Variants in KIR3DL2 observed in about 807,000 individuals in gnomAD.
KIR3DL2 encodes killer cell immunoglobulin-like receptor 3DL2.
Under a neutral mutation model 41.6 loss-of-function variants are expected in KIR3DL2, and 42 were observed. That is an observed-to-expected ratio of 1.01 (90% CI 0.79 to 1.31). The LOEUF is 1.31. Ranked by LOEUF, KIR3DL2 falls within the 50% of genes most tolerant of loss-of-function variation. The pLI is 0.00. For synonymous variants in KIR3DL2, 230 were observed against 221.3 expected (o/e 1.04, Z -0.35); for missense variants, 728 against 576.8 (o/e 1.26, Z -2.68).
At chr19:54,866,025 A>G in intron 7 of KIR3DL2, 116 bp downstream of exon 7, 4 of 943,914 alleles carry the variant, frequency 4.2e-6, no homozygotes, top group Non-Finnish European at 6.6e-6. Flanking sequence ...GGGAGGAGCC[A>G]CAGAGGCAGG....
chr19:54,852,010 A>G lies in KIR3DL2; in HGVS notation c.83A>G (p.Lys28Arg). ...CCTTCTCCCCCAGGTGGTCAGGACA[A>G]ACCCTTCCTGTCTGCCCGGCCCAGC... Reference protein sequence around the residue: ...GAWPLMGGQDKPFLSARPSTV... With the variant: ...GAWPLMGGQDRPFLSARPSTV... The change falls in exon 3 of 9, where the codon AAA becomes AGA. Residue 28 changes from lysine to arginine, a missense_variant. By Grantham distance (26) the Lys-to-Arg change is conservative. Transcript: ENST00000326321. The G allele has an allele frequency of 6.2e-7, 1 of 1,610,314 alleles. No individual in the cohort carries two copies. Among genetic ancestry groups the G allele is most frequent in the Non-Finnish European group, 8.5e-7 (1 of 1,178,038 alleles).
chr19:54,865,329 G>A lies in KIR3DL2; in HGVS notation c.1001-476G>A, dbSNP rs148161229. On this transcript the variant is annotated intron_variant, in intron 6 of 8. Coordinates refer to ENST00000326321, the MANE Select transcript of KIR3DL2 (RefSeq NM_006737.4). Reference sequence around the variant, plus strand: ...CTCCCACTCTGGCAGAAGGGAAGGAGGGTCTGTCTGTGCAGAGACCACAGA... The same window carrying A: ...CTCCCACTCTGGCAGAAGGGAAGGAAGGTCTGTCTGTGCAGAGACCACAGA... 1.3e-3 allele frequency among the ~76,000 whole-genome samples: 195 copies of A among 152,158 alleles called. 1 individual carries two copies. Among genetic ancestry groups the A allele is most frequent in the African/African-American group, 4.5e-3 (186 of 41,560 alleles).
intron 5 of KIR3DL2, 130 bp downstream of exon 5, chr19:54,856,042 C>A: frequency 8.5e-7 from 1 of 1,181,350 alleles, no homozygotes; most frequent in African/African-American, 1.6e-5. Flanking sequence ...AGGGGGGGGT[C>A]AGGGTGCAGG....
intron 3 of KIR3DL2, among the ~76,000 whole-genome samples, chr19:54,852,666 C>T (rs1448786627): frequency 1.3e-5 from 2 of 150,928 alleles, no homozygotes; most frequent in African/African-American, 4.9e-5. Context: ...GGGAGGGAGA[C>T]GCTATCAGCC....
At position 54,867,150 on chromosome 19, in the gene KIR3DL2, A is replaced by AT. The variant is rs917142016; in HGVS notation, c.*427dup. 3 of 209,088 alleles carry AT rather than the reference A, an allele frequency of 1.4e-5. No individual in the cohort carries two copies. Among genetic ancestry groups the AT allele is most frequent in the African/African-American group, 2.4e-5 (1 of 42,274 alleles). 13.0% of individuals were successfully genotyped at this position (209,088 alleles called of 1,614,324 possible). A position where few individuals can be genotyped will look rare whatever the true frequency, so the allele number is the denominator to read the frequency against. On this transcript the variant is annotated 3_prime_UTR_variant, in exon 9 of 9. Transcript: ENST00000326321. ...CTTCTGTCATCAGTAAAATTTATAA[A>AT]TTTTTTTTATAACTTCAGTGTAGCT... is the stretch of plus-strand genomic sequence containing the variant.
At chr19:54,865,260 G>A (rs890613399) in intron 6 of KIR3DL2, among the ~76,000 whole-genome samples, 2 of 152,070 alleles carry the variant, frequency 1.3e-5, no homozygotes, top group Non-Finnish European at 2.9e-5. Flanking sequence ...GGCTGTACTG[G>A]AAGCATGGCA....
Position 54,866,647 on chromosome 19 carries a change from C to A in KIR3DL2, c.1284C>A (p.Tyr428Ter). 6.2e-7 allele frequency: 1 copy of A among 1,614,002 alleles called. No individual in the cohort carries two copies. Among genetic ancestry groups the A allele is most frequent in the Non-Finnish European group, 8.5e-7 (1 of 1,179,974 alleles). The change falls in exon 9 of 9, where the codon TAC (tyrosine) becomes TAA (stop). Residue 428 changes from tyrosine (Y) to a stop codon, truncating the protein, a stop_gained. Coordinates refer to ENST00000326321, the MANE Select transcript of KIR3DL2 (RefSeq NM_006737.4). LOFTEE classifies it low-confidence loss of function (END_TRUNC). ...CACCCCTAACAGATACCAGCGTGTA[C>A]ACGGAACTTCCAAATGCTGAGCCCA... ...PKTPLTDTSV[Y>*]TELPNAEPRS...
At position 54,853,962 on chromosome 19, in the gene KIR3DL2, G is replaced by T; in HGVS notation, c.571G>T (p.Gly191Ter). ...CGGTCCCTTGATGCCTGTCCTTGCA[G>T]GAACCTACAGATGTTATGGTTCTGT... ...SIGPLMPVLA[G>*]TYRCYGSVPH... The change falls in exon 4 of 9, where the codon GGA (glycine) becomes TGA (stop). Residue 191 changes from glycine to a stop codon, truncating the protein, a stop_gained. Transcript: ENST00000326321. LOFTEE classifies it high-confidence loss of function. 1 of 1,613,406 alleles carries T rather than the reference G, an allele frequency of 6.2e-7. No homozygotes were observed. Among genetic ancestry groups the T allele is most frequent in the Non-Finnish European group, 8.5e-7 (1 of 1,179,870 alleles).
chr19:54,855,768 G>A lies in KIR3DL2; in HGVS notation c.805G>A (p.Val269Met), dbSNP rs914680855. The part of the protein sequence containing the change: ...GEAHERRLRA[V>M]PKVNRTFQAD... Reference sequence around the variant, plus strand: ...GGCCCATGAACGTAGGCTCCGTGCAGTGCCCAAGGTCAACAGAACATTCCA... The same window carrying A: ...GGCCCATGAACGTAGGCTCCGTGCAATGCCCAAGGTCAACAGAACATTCCA... Residue 269 changes from valine (V) to methionine (M), a missense_variant, in exon 5 of 9, where the codon GTG becomes ATG. Coordinates refer to ENST00000326321, the MANE Select transcript of KIR3DL2 (RefSeq NM_006737.4). 1 of 1,613,534 alleles carries A rather than the reference G, an allele frequency of 6.2e-7. No individual in the cohort carries two copies. The highest frequency in any genetic ancestry group is 1.6e-4 in the Middle Eastern group (1 of 6,062).
In KIR3DL2 at chr19:54,862,620, CAG is replaced by C. The variant is rs2145707044; in HGVS notation, c.1001-3184_1001-3183del. On this transcript the variant is annotated intron_variant, in intron 6 of 8. Coordinates refer to ENST00000326321, the MANE Select transcript of KIR3DL2 (RefSeq NM_006737.4). ...ATCTGGGGGAAGCCAGAAAATAGCC[CAG>C]CCTGGGTTTTGTACCCTGAAGCCAC... is the stretch of plus-strand genomic sequence containing the variant. Among the ~76,000 whole-genome samples the C allele has an allele frequency of 1.3e-5, 2 of 152,048 alleles. 1 individual carries two copies. Among genetic ancestry groups the C allele is most frequent in the South Asian group, 4.2e-4 (2 of 4,818 alleles).
At chr19:54,850,892 A>C (rs62122254) in intron 1 of KIR3DL2, among the ~76,000 whole-genome samples, 1 of 24,526 alleles carries the variant, frequency 4.1e-5, no homozygotes, top group East Asian at 1.3e-3. Flanking sequence ...ATATGGGCCT[A>C]GAGGGGAGAT....
intron 2 of KIR3DL2, among the ~76,000 whole-genome samples, chr19:54,851,644 C>A (rs2145554534): frequency 6.6e-6 from 1 of 151,826 alleles, no homozygotes; most frequent in East Asian, 1.9e-4. Context: ...GAAACCACAG[C>A]CATGGCCCTG....
At chr19:54,864,786 A>G (rs1175560598) in intron 6 of KIR3DL2, among the ~76,000 whole-genome samples, 5 of 151,878 alleles carry the variant, frequency 3.3e-5, no homozygotes, top group Admixed American at 1.3e-4. Flanking sequence ...CTATATATAC[A>G]ATCATGTCAT....
chr19:54,853,569 G>C (rs1601743508), intron 3 of KIR3DL2, among the ~76,000 whole-genome samples, 178 bp from the exon 4 acceptor site: 1 of 151,794 alleles, frequency 6.6e-6, no homozygotes. Context: ...GGACAGAGAA[G>C]AGGGAGGAAG....
intron 6 of KIR3DL2, among the ~76,000 whole-genome samples, chr19:54,865,182 C>A (rs2065420296): frequency 6.6e-6 from 1 of 151,938 alleles, no homozygotes; most frequent in Non-Finnish European, 1.5e-5. Flanking sequence ...ATATATTGAA[C>A]CAGCCTTGCA....
intron 4 of KIR3DL2, among the ~76,000 whole-genome samples, chr19:54,855,180 T>C (rs1465909382): frequency 4.6e-5 from 7 of 150,976 alleles, no homozygotes; most frequent in South Asian, 4.2e-4. Flanking sequence ...AGATAATACA[T>C]AGATGATTGA....
At chr19:54,855,041 A>AGAC in intron 4 of KIR3DL2, among the ~76,000 whole-genome samples, 1 of 147,696 alleles carries the variant, frequency 6.8e-6, no homozygotes, top group East Asian at 2.0e-4. Context: ...TGATACATAG[A>AGAC]GATGATGATG....
At chr19:54,857,397 T>C (rs1177226590) in intron 5 of KIR3DL2, among the ~76,000 whole-genome samples, 3 of 151,294 alleles carry the variant, frequency 2.0e-5, no homozygotes, top group African/African-American at 7.3e-5. Context: ...AGCCTCCTTT[T>C]AGTTTTTTAA....
chr19:54,866,820 A>T lies in KIR3DL2; in HGVS notation c.*89A>T. The T allele has an allele frequency of 2.1e-6, 3 of 1,397,166 alleles. No homozygotes were observed. The highest frequency in any genetic ancestry group is 3.0e-6 in the Non-Finnish European group (3 of 997,542). The allele number at this position is 1,397,166 out of a possible 1,614,324, so 86.5% of individuals were successfully genotyped here. On this transcript the variant is annotated 3_prime_UTR_variant, in exon 9 of 9. Coordinates refer to ENST00000326321, the MANE Select transcript of KIR3DL2 (RefSeq NM_006737.4). Reference sequence around the variant, plus strand: ...AAGGCATCAGTCTGCATCTTAGGGGATCGCTCTTCCTCACACCACGAATCT... The same window carrying T: ...AAGGCATCAGTCTGCATCTTAGGGGTTCGCTCTTCCTCACACCACGAATCT...
Sources: gnomAD v4.1 joint callset for allele counts (sites outside exome capture counted in the v4.1 genomes callset) on GRCh38, gnomAD v4.1.1 for gene constraint, MANE v1.5 for transcripts, NCBI Gene and HGNC (gene_info 2026-07-23, HGNC 2026-07-21) for gene names.